UNC13B: variants seen among roughly 807,000 people sequenced by gnomAD.
The protein encoded by UNC13B is protein unc-13 homolog B.
UNC13B carries 144 observed loss-of-function variants against 211.0 expected under a neutral mutation model. The ratio of observed to expected loss-of-function variants is 0.68; its 90% CI spans 0.60 to 0.78. The LOEUF (loss-of-function observed/expected upper bound fraction) is 0.78. Ranked by LOEUF, UNC13B falls within the 30% of genes least tolerant of loss-of-function variation. The probability of loss-of-function intolerance (pLI) is 0.00; values close to 1 mark genes in which losing one functional copy is unlikely to be tolerated. For synonymous variants in UNC13B, 709 were observed against 725.8 expected (o/e 0.98, Z 0.37); for missense variants, 1,777 against 2,002.0 (o/e 0.89, Z 2.14).
chr9:35,298,288 C>T (rs984691003), intron 8 of UNC13B, among the ~76,000 whole-genome samples: 3 of 152,078 alleles, frequency 2.0e-5, no homozygotes, highest in Non-Finnish European at 2.9e-5. Context: ...GATGTGGTGG[C>T]GCATGCCTAT....
intron 6 of UNC13B, among the ~76,000 whole-genome samples, chr9:35,255,183 C>G (rs1411406989): frequency 6.8e-6 from 1 of 146,848 alleles, no homozygotes; most frequent in Admixed American, 7.0e-5. Flanking sequence ...CCTTGGACTC[C>G]CAAAGTGCTG....
Position 35,313,904 on chromosome 9 carries a change from C to T in UNC13B, c.9329C>T (p.Pro3110Leu). 1 of 1,613,280 alleles carries T rather than the reference C, an allele frequency of 6.2e-7. No individual in the cohort carries two copies. The highest frequency in any genetic ancestry group is 8.5e-7 in the Non-Finnish European group (1 of 1,179,360). The change falls in exon 11 of 40, where the codon CCT becomes CTT. Residue 3110 changes from proline (P) to leucine (L), a missense_variant. Coordinates refer to ENST00000635942, the MANE Select transcript of UNC13B (RefSeq NM_001371189.2). ...DHFLGPQESF[P>L]EENASSPFTQ... ...TACTTTTTCTCTGTTACAAGTTTTC[C>T]TGAGGAGAATGCATCTTCACCATTT... is the stretch of plus-strand genomic sequence containing the variant.
At position 35,306,265 on chromosome 9, in the gene UNC13B, TAAC is replaced by T. The variant is rs538770114; in HGVS notation, c.6866_6868del (p.Asn2289del). On this transcript the variant is annotated inframe_deletion, in exon 9 of 40. Transcript: ENST00000635942. ...AGCAAATGGCACCTTGTATTTCCAT[TAAC>T]AACACCATTGAGGTTACCTCCCTTG... 6.5e-5 allele frequency: 26 copies of T among 398,906 alleles called. No individual in the cohort carries two copies. Among genetic ancestry groups the T allele is most frequent in the Non-Finnish European group, 1.1e-4 (25 of 226,072 alleles). The allele number at this position is 398,906 out of a possible 1,614,324, so 24.7% of individuals were successfully genotyped here. A position where few individuals can be genotyped will look rare whatever the true frequency, so the allele number is the denominator to read the frequency against.
chr9:35,372,082 C>CA (rs1834165609), intron 13 of UNC13B: 1 of 152,518 alleles, frequency 6.6e-6, no homozygotes. Context: ...CTAGCCTGAC[C>CA]AACATAGTGA....
chr9:35,277,624 G>T (rs1429273759), intron 7 of UNC13B, among the ~76,000 whole-genome samples: 65 of 151,784 alleles, frequency 4.3e-4, no homozygotes, highest in Admixed American at 6.6e-5. Flanking sequence ...TTCTCGGGGG[G>T]TTCTTGTTCT....
At chr9:35,311,691 T>G (rs989265001) in intron 10 of UNC13B, among the ~76,000 whole-genome samples, 1 of 152,172 alleles carries the variant, frequency 6.6e-6, no homozygotes, top group Non-Finnish European at 1.5e-5. Context: ...GTTGTAACTT[T>G]TTTGGTGAAC....
intron 37 of UNC13B, among the ~76,000 whole-genome samples, chr9:35,402,219 C>G (rs909468489): frequency 3.3e-5 from 5 of 152,008 alleles, no homozygotes; most frequent in African/African-American, 1.2e-4. Context: ...TCCCACCCCT[C>G]CACCTCAGGA....
intron 1 of UNC13B, among the ~76,000 whole-genome samples, chr9:35,222,360 C>T (rs888017817): frequency 2.0e-5 from 3 of 152,104 alleles, no homozygotes; most frequent in East Asian, 1.9e-4. Flanking sequence ...AACTTACAGG[C>T]CTTACATTTC....
chr9:35,314,696 C>T (rs1002112555), intron 11 of UNC13B, among the ~76,000 whole-genome samples: 1 of 151,860 alleles, frequency 6.6e-6, no homozygotes, highest in Non-Finnish European at 1.5e-5. Flanking sequence ...TTACCCGCTT[C>T]CACCCTTCTA....
At chr9:35,269,293 A>G (rs1827746545) in intron 7 of UNC13B, among the ~76,000 whole-genome samples, 1 of 152,216 alleles carries the variant, frequency 6.6e-6, no homozygotes, top group African/African-American at 2.4e-5. Context: ...GATTAAAAGG[A>G]TATTTTAAAG....
chr9:35,325,484 G>T (rs969970049), intron 11 of UNC13B, among the ~76,000 whole-genome samples: 1 of 152,092 alleles, frequency 6.6e-6, no homozygotes, highest in Non-Finnish European at 1.5e-5. Flanking sequence ...TTGTACTCTT[G>T]CAGCCTTCTC....
At chr9:35,227,625 G>A (rs905786596) in intron 1 of UNC13B, among the ~76,000 whole-genome samples, 10 of 152,126 alleles carry the variant, frequency 6.6e-5, no homozygotes, top group Non-Finnish European at 1.3e-4. Context: ...ATCTAGATCT[G>A]GCCTGTTATG....
In UNC13B at chr9:35,378,412, C is replaced by T; in HGVS notation, c.10181C>T (p.Pro3394Leu). The change falls in exon 17 of 40, where the codon CCT (proline) becomes CTT (leucine). Residue 3394 changes from proline (P) to leucine (L), a missense_variant. Transcript: ENST00000635942. Reference sequence around the variant, plus strand: ...AAGACCATTTTTGGAAACTTGAATCCTGTTTGGGAGGAGAAGTTCCATTTG... The same window carrying T: ...AAGACCATTTTTGGAAACTTGAATCTTGTTTGGGAGGAGAAGTTCCATTTG... ...RTKTIFGNLN[P>L]VWEEKFHFEC... 1 of 1,614,082 alleles carries T rather than the reference C, an allele frequency of 6.2e-7. No homozygotes were observed. The highest frequency in any genetic ancestry group is 1.3e-5 in the African/African-American group (1 of 75,008).
intron 7 of UNC13B, among the ~76,000 whole-genome samples, chr9:35,262,430 C>T (rs537721717): frequency 2.0e-5 from 3 of 152,182 alleles, no homozygotes; most frequent in South Asian, 4.2e-4. Flanking sequence ...AATTCTCCTG[C>T]CTCAGCCTCC....
chr9:35,209,467 T>A (rs1251135849), intron 1 of UNC13B, among the ~76,000 whole-genome samples: 1 of 152,112 alleles, frequency 6.6e-6, no homozygotes, highest in African/African-American at 2.4e-5. Flanking sequence ...AACCTCCACC[T>A]CCCAGATTCA....
intron 1 of UNC13B, among the ~76,000 whole-genome samples, chr9:35,168,770 C>T (rs543314841): frequency 4.7e-5 from 7 of 149,456 alleles, no homozygotes; most frequent in African/African-American, 1.2e-4. Flanking sequence ...GGCATGATCA[C>T]GGCTCACTGC....
intron 11 of UNC13B, among the ~76,000 whole-genome samples, chr9:35,315,046 T>TA (rs201186921): frequency 0.027 from 3,877 of 144,624 alleles, 173 homozygotes; most frequent in African/African-American, 0.09. Flanking sequence ...CTGGCTAATT[T>TA]AAAAAAAATT....
chr9:35,184,809 GGGGGGGAGAGAGA>G (rs1822262292), intron 1 of UNC13B, among the ~76,000 whole-genome samples: 1 of 112,796 alleles, frequency 8.9e-6, no homozygotes, highest in Admixed American at 9.1e-5. Flanking sequence ...AGCGGGGGGG[GGGGGGGAGAGAGA>G]GAGAGAGAGA....
At chr9:35,205,274 G>GT (rs1823578027) in intron 1 of UNC13B, among the ~76,000 whole-genome samples, 1 of 151,884 alleles carries the variant, frequency 6.6e-6, no homozygotes, top group South Asian at 2.1e-4. Context: ...AAATCACCAC[G>GT]TTTCAGGTAT....
Sources: gnomAD v4.1 joint callset for allele counts (sites outside exome capture counted in the v4.1 genomes callset) on GRCh38, gnomAD v4.1.1 for gene constraint, MANE v1.5 for transcripts, NCBI Gene and HGNC (gene_info 2026-07-23, HGNC 2026-07-21) for gene names.